Variants in TVP23C observed in about 807,000 individuals in gnomAD.
The protein encoded by TVP23C is Golgi apparatus membrane protein TVP23 homolog C.
In TVP23C, 19 loss-of-function variants were observed where a neutral mutation model predicts 28.7. The observed-to-expected ratio is 0.66, with a 90% CI of 0.46 to 0.97. The LOEUF is 0.97. Ranked by LOEUF, TVP23C falls within the 50% of genes least tolerant of loss-of-function variation. The pLI is 0.00. For missense variants in TVP23C, 186 were observed against 241.3 expected (o/e 0.77, Z 1.52); for synonymous variants, 68 against 81.7 (o/e 0.83, Z 0.90).
At chr17:15,553,461 C>A (rs553758076) in intron 3 of TVP23C, among the ~76,000 whole-genome samples, 2 of 137,606 alleles carry the variant, frequency 1.5e-5, no homozygotes, top group East Asian at 4.3e-4. Context: ...GAATATGGCA[C>A]AGAAAAATCA....
chr17:15,521,673 C>T (rs1211655721), intron 5 of TVP23C, among the ~76,000 whole-genome samples: 2 of 152,158 alleles, frequency 1.3e-5, no homozygotes, highest in African/African-American at 2.4e-5. Context: ...GTGAAAAGGA[C>T]AGATATTTCA....
At chr17:15,534,658 G>A (rs867391978), downstream of TVP23C, among the ~76,000 whole-genome samples, 989 of 149,934 alleles carry the variant, frequency 6.6e-3, 1 homozygote, top group African/African-American at 0.023. Flanking sequence ...TACTCTGGGG[G>A]ATGTAGAATT....
At chr17:15,560,575 GTTTGT>G (rs1450152983) in intron 1 of TVP23C, among the ~76,000 whole-genome samples, 6 of 149,116 alleles carry the variant, frequency 4.0e-5, no homozygotes, top group African/African-American at 1.5e-4. Context: ...TTGTTTGTTT[GTTTGT>G]TTTGAGACGG....
intron 5 of TVP23C, among the ~76,000 whole-genome samples, chr17:15,521,802 A>T (rs981792051): frequency 6.6e-6 from 1 of 152,242 alleles, no homozygotes; most frequent in Admixed American, 6.5e-5. Context: ...CGACAAACAT[A>T]TATTTGTCAC....
At chr17:15,527,684 A>G (rs1982784062) in intron 5 of TVP23C, among the ~76,000 whole-genome samples, 1 of 152,198 alleles carries the variant, frequency 6.6e-6, no homozygotes, top group Non-Finnish European at 1.5e-5. Flanking sequence ...ATCTGTAAAA[A>G]TGGGATAAGT....
intron 2 of TVP23C, among the ~76,000 whole-genome samples, chr17:15,554,827 T>C (rs1984057366): frequency 6.6e-6 from 1 of 152,228 alleles, no homozygotes; most frequent in Non-Finnish European, 1.5e-5. Flanking sequence ...TATGTGGTCT[T>C]TTGTGACTGG....
In TVP23C at chr17:15,539,192, C is replaced by A; in HGVS notation, c.*1220G>T. ...CTGAATAAGGAGTCTGGAGGTGGAA[C>A]CCAGCAATCTTGTGCCCTCTAGGTG... On this transcript the variant is annotated 3_prime_UTR_variant, in exon 6 of 6. Coordinates refer to ENST00000518321, the MANE Select transcript of TVP23C (RefSeq NM_001135036.2). The A allele has an allele frequency of 3.1e-6, 3 of 965,034 alleles. No homozygotes were observed. Among genetic ancestry groups the A allele is most frequent in the Non-Finnish European group, 3.7e-6 (3 of 811,340 alleles). The allele number at this position is 965,034 out of a possible 1,614,324, so 59.8% of individuals were successfully genotyped here.
intron 5 of TVP23C, among the ~76,000 whole-genome samples, chr17:15,505,658 G>A (rs1981692220): frequency 6.6e-6 from 1 of 152,216 alleles, no homozygotes. Flanking sequence ...GCTGGCCAAG[G>A]CTGGAGCCCA....
At position 15,527,190 on chromosome 17, in the gene TVP23C, C is replaced by T. The variant is rs138415704; in HGVS notation, c.462+18595G>A. ...GAAAGTAACTTTGAAAAAACCAATCCACTTTGTGTTCTTTGTTTCTGCATT... is the reference window on the plus strand; with the variant it reads ...GAAAGTAACTTTGAAAAAACCAATCTACTTTGTGTTCTTTGTTTCTGCATT... On this transcript the variant is annotated intron_variant, in intron 5 of 5. Transcript: ENST00000225576. Among the ~76,000 whole-genome samples the T allele has an allele frequency of 1.9e-3, 284 of 152,240 alleles. 5 individuals carry two copies. The East Asian group carries it at 0.022, about 12-fold the overall frequency.
chr17:15,560,616 C>T (rs1984336900), intron 1 of TVP23C, among the ~76,000 whole-genome samples: 1 of 148,858 alleles, frequency 6.7e-6, no homozygotes, highest in Non-Finnish European at 1.5e-5. Flanking sequence ...AGTGCAGTGG[C>T]ACGATCTCGG....
chr17:15,538,141 C>A lies in TVP23C; in HGVS notation c.*2271G>T. The A allele has an allele frequency of 6.2e-7, 1 of 1,613,872 alleles. No homozygotes were observed. Among genetic ancestry groups the A allele is most frequent in the Non-Finnish European group, 8.5e-7 (1 of 1,179,856 alleles). On this transcript the variant is annotated 3_prime_UTR_variant, in exon 6 of 6. Transcript: ENST00000518321. ...GCTTTCTCTATTCAGGAAGTCTGATCATCTCCAGTGTTCCGCAAAAGACAA... is the reference window on the plus strand; with the variant it reads ...GCTTTCTCTATTCAGGAAGTCTGATAATCTCCAGTGTTCCGCAAAAGACAA...
rs1983308941 is a variant in TVP23C at position 15,539,436 on chromosome 17, T to C, written c.*976A>G. On this transcript the variant is annotated 3_prime_UTR_variant, in exon 6 of 6. Coordinates refer to ENST00000518321, the MANE Select transcript of TVP23C (RefSeq NM_001135036.2). The stretch of plus-strand genomic sequence containing the variant: ...TCCTGGCTAACACGGTGAAACCCCG[T>C]CTCTACTAAAAATACAAAAAAGCCA... 4.5e-6 allele frequency: 2 copies of C among 448,980 alleles called. No homozygotes were observed. The highest frequency in any genetic ancestry group is 1.9e-4 in the South Asian group (2 of 10,790). 27.8% of individuals were successfully genotyped at this position (448,980 alleles called of 1,614,324 possible).
At chr17:15,559,313 T>TAAAAAA (rs56346847) in intron 1 of TVP23C, among the ~76,000 whole-genome samples, 1 of 105,186 alleles carries the variant, frequency 9.5e-6, no homozygotes, top group African/African-American at 3.3e-5. Flanking sequence ...GGTACAGATT[T>TAAAAAA]AAAAAAAAAA....
downstream of TVP23C, among the ~76,000 whole-genome samples, chr17:15,535,645 C>T (rs1282920738): frequency 6.6e-6 from 1 of 152,188 alleles, no homozygotes; most frequent in South Asian, 2.1e-4. Context: ...CAGTGCAACT[C>T]GGCAGCAACT....
At chr17:15,552,277 C>T (rs557414871) in intron 3 of TVP23C, among the ~76,000 whole-genome samples, 14 of 152,188 alleles carry the variant, frequency 9.2e-5, no homozygotes, top group Non-Finnish European at 1.3e-4. Context: ...CCAAAGAAGA[C>T]TGGACAAAAG....
At position 15,547,091 on chromosome 17, in the gene TVP23C, C is replaced by G; in HGVS notation, c.298G>C (p.Gly100Arg). The G allele has an allele frequency of 6.2e-7, 1 of 1,606,356 alleles. No individual in the cohort carries two copies. Among genetic ancestry groups the G allele is most frequent in the South Asian group, 1.1e-5 (1 of 89,658 alleles). Residue 100 changes from glycine to arginine, a missense_variant, in exon 4 of 6, where the codon GGA (glycine) becomes CGA (arginine). Coordinates refer to ENST00000518321, the MANE Select transcript of TVP23C (RefSeq NM_001135036.2). ...GATTCAAACACCCAATGGCTCTTTC[C>G]ATCTTCATCAATGTGATTCCACCAA... ...LRWWNHIDED[G>R]KSHWVFESRK...
chr17:15,514,096 C>T (rs1035846108), intron 5 of TVP23C, among the ~76,000 whole-genome samples: 2 of 152,232 alleles, frequency 1.3e-5, no homozygotes, highest in Non-Finnish European at 2.9e-5. Context: ...TTACTCTGGG[C>T]TACTTGCTTA....
chr17:15,512,996 C>T (rs1008696640), intron 5 of TVP23C, among the ~76,000 whole-genome samples: 20 of 152,190 alleles, frequency 1.3e-4, no homozygotes, highest in African/African-American at 3.6e-4. Flanking sequence ...AGCTAGGATG[C>T]TAGATTTCAT....
chr17:15,545,829 T>C lies in TVP23C; in HGVS notation c.418A>G (p.Ile140Val), dbSNP rs755608058. The C allele has an allele frequency of 9.3e-6, 15 of 1,613,998 alleles. No individual in the cohort carries two copies. The Middle Eastern group carries it at 4.9e-4, about 53-fold the overall frequency. ...GLIACSVLWV[I>V]FAFSALFSFT... is the part of the protein sequence containing the mutation. ...GAGAAGAGTGCACTAAAGGCAAATA[T>C]CACCCACAGTACTGAACAGGCAATA... The change falls in exon 5 of 6, where the codon ATA (isoleucine) becomes GTA (valine). Residue 140 changes from isoleucine to valine, a missense_variant. By Grantham distance (29) the Ile-to-Val change is conservative (BLOSUM62 3). Transcript: ENST00000518321.
Sources: allele counts gnomAD v4.1 joint callset (sites outside exome capture counted in the v4.1 genomes callset), GRCh38; gene constraint gnomAD v4.1.1; transcripts MANE v1.5; gene names NCBI Gene and HGNC (gene_info 2026-07-23, HGNC 2026-07-21).